Variants in MCTP1 observed in about 807,000 individuals in gnomAD.
MCTP1 encodes multiple C2 and transmembrane domain containing 1.
In MCTP1, 69 loss-of-function variants were observed where a neutral mutation model predicts 120.6. The ratio of observed to expected loss-of-function variants is 0.57; its 90% CI spans 0.47 to 0.70. The LOEUF (loss-of-function observed/expected upper bound fraction) is 0.70. Ranked by LOEUF, MCTP1 falls within the 30% of genes least tolerant of loss-of-function variation. The probability of loss-of-function intolerance (pLI) is 0.00; values close to 1 mark genes in which losing one functional copy is unlikely to be tolerated. For synonymous variants in MCTP1, 529 were observed against 493.1 expected (o/e 1.07, Z -0.96); for missense variants, 1,203 against 1,248.8 (o/e 0.96, Z 0.55).
intron 1 of MCTP1, among the ~76,000 whole-genome samples, chr5:95,279,352 A>G (rs1411169202): frequency 2.0e-5 from 3 of 152,204 alleles, no homozygotes; most frequent in African/African-American, 7.2e-5. Context: ...TAATGCATAC[A>G]TACTTGCTAA....
chr5:95,103,120 T>G (rs926902131), intron 1 of MCTP1, among the ~76,000 whole-genome samples: 3 of 151,246 alleles, frequency 2.0e-5, no homozygotes, highest in African/African-American at 7.3e-5. Context: ...TTATTAATAT[T>G]TATTATTTAT....
chr5:95,073,928 T>A (rs112104141), intron 1 of MCTP1, among the ~76,000 whole-genome samples: 12,646 of 151,994 alleles, frequency 0.083, 652 homozygotes, highest in African/African-American at 0.14. Context: ...CTGGCCAACA[T>A]AGTGAAACCC....
At chr5:94,717,717 A>G (rs1488153590) in intron 19 of MCTP1, among the ~76,000 whole-genome samples, 1 of 152,162 alleles carries the variant, frequency 6.6e-6, no homozygotes, top group African/African-American at 2.4e-5. Flanking sequence ...GCATTCCTAT[A>G]CACCAACCAT....
chr5:94,710,297 T>C (rs1231126171), intron 21 of MCTP1: 1 of 152,148 alleles, frequency 6.6e-6, no homozygotes, highest in Non-Finnish European at 1.5e-5. Flanking sequence ...TAGGTCTTTA[T>C]AGAAACATTC....
At chr5:95,024,052 T>C (rs1173259477) in intron 1 of MCTP1, 2 of 448,558 alleles carry the variant, frequency 4.5e-6, no homozygotes. Flanking sequence ...CTACGGATGG[T>C]CTTTTCCCTG....
intron 19 of MCTP1, among the ~76,000 whole-genome samples, chr5:94,720,371 A>G (rs1760613736): frequency 6.6e-6 from 1 of 152,116 alleles, no homozygotes; most frequent in Non-Finnish European, 1.5e-5. Flanking sequence ...AACAAATGCT[A>G]CAAATGATGG....
In MCTP1 at chr5:95,025,987, G is replaced by A. The variant is rs541316995; in HGVS notation, c.721-8503C>T. Among the ~76,000 whole-genome samples the A allele has an allele frequency of 3.3e-4, 50 of 152,170 alleles. 1 individual carries two copies. The South Asian group carries it at 9.3e-3, about 28-fold the overall frequency. ...AGTGACTTTAGGCTCTGCTGCTTGG[G>A]AGGTCTTTTTATATAAATAAAGAGA... On this transcript the variant is annotated intron_variant, in intron 1 of 22. Coordinates refer to ENST00000515393, the MANE Select transcript of MCTP1 (RefSeq NM_024717.7).
intron 9 of MCTP1, among the ~76,000 whole-genome samples, chr5:94,909,949 T>C (rs1374871983): frequency 1.3e-5 from 2 of 152,004 alleles, no homozygotes; most frequent in Admixed American, 6.5e-5. Context: ...TAGTATCTCA[T>C]GTTATAGATG....
chr5:95,208,943 T>C (rs903237555), intron 1 of MCTP1, among the ~76,000 whole-genome samples: 1 of 152,162 alleles, frequency 6.6e-6, no homozygotes, highest in Non-Finnish European at 1.5e-5. Context: ...CTGTTTCTTC[T>C]CATGACCCTG....
chr5:95,280,462 T>G (rs1487246753), intron 1 of MCTP1, among the ~76,000 whole-genome samples: 1 of 152,258 alleles, frequency 6.6e-6, no homozygotes, highest in Non-Finnish European at 1.5e-5. Context: ...CTTAAAATAC[T>G]GACTTTCTGA....
chr5:95,242,517 T>C (rs1280825998), intron 1 of MCTP1, among the ~76,000 whole-genome samples: 1 of 152,124 alleles, frequency 6.6e-6, no homozygotes, highest in Non-Finnish European at 1.5e-5. Flanking sequence ...GGTGAATGCA[T>C]AAACAAATTG....
intron 1 of MCTP1, among the ~76,000 whole-genome samples, chr5:95,165,375 C>A (rs1222659314): frequency 6.6e-6 from 1 of 152,120 alleles, no homozygotes; most frequent in African/African-American, 2.4e-5. Context: ...AGTGTACAAT[C>A]TTTGATATTT....
intron 2 of MCTP1, among the ~76,000 whole-genome samples, chr5:95,015,879 T>C (rs1488870746): frequency 2.6e-5 from 4 of 152,138 alleles, no homozygotes; most frequent in Non-Finnish European, 4.4e-5. Flanking sequence ...TGGGGGCATA[T>C]GTAGGACTAA....
At chr5:95,206,787 C>T (rs1035636833) in intron 1 of MCTP1, among the ~76,000 whole-genome samples, 7 of 152,286 alleles carry the variant, frequency 4.6e-5, no homozygotes, top group East Asian at 1.9e-4. Flanking sequence ...CCACCCCCCT[C>T]GGCCTCCCAA....
intron 1 of MCTP1, among the ~76,000 whole-genome samples, chr5:95,126,926 A>C (rs1758676636): frequency 1.3e-5 from 2 of 152,192 alleles, no homozygotes; most frequent in Admixed American, 1.3e-4. Flanking sequence ...GGAAACCACA[A>C]ATTTTAAAAT....
chr5:95,081,375 C>T (rs1292506091), intron 1 of MCTP1: 16 of 1,531,950 alleles, frequency 1.0e-5, no homozygotes, highest in Non-Finnish European at 1.2e-5. Flanking sequence ...TAAACTGCCA[C>T]ATTAATTTAA....
intron 2 of MCTP1, among the ~76,000 whole-genome samples, chr5:94,982,750 A>T (rs139961512): frequency 6.6e-6 from 1 of 151,768 alleles, no homozygotes; most frequent in African/African-American, 2.4e-5. Flanking sequence ...TTAACTGGGC[A>T]TGGTGGTGCA....
At chr5:95,219,381 CAAA>C (rs11414984) in intron 1 of MCTP1, among the ~76,000 whole-genome samples, 1 of 85,960 alleles carries the variant, frequency 1.2e-5, no homozygotes, top group Non-Finnish European at 2.3e-5. Context: ...GACTCCATCT[CAAA>C]AAAAAAAAAA....
intron 17 of MCTP1, among the ~76,000 whole-genome samples, chr5:94,830,693 T>A (rs1253986748): frequency 6.6e-6 from 1 of 152,256 alleles, no homozygotes; most frequent in African/African-American, 2.4e-5. Flanking sequence ...AATATATAAT[T>A]GAGAGTGAAC....
Sources: allele counts gnomAD v4.1 joint callset (sites outside exome capture counted in the v4.1 genomes callset), GRCh38; gene constraint gnomAD v4.1.1; transcripts MANE v1.5; gene names NCBI Gene and HGNC (gene_info 2026-07-23, HGNC 2026-07-21).